The following CCDC85A variants were observed in gnomAD, a reference collection of about 807,000 sequenced individuals.
The protein encoded by CCDC85A is coiled-coil domain-containing protein 85A.
Under a neutral mutation model 50.2 loss-of-function variants are expected in CCDC85A, and 38 were observed. The observed-to-expected ratio is 0.76, with a 90% confidence interval of 0.58 to 0.99. The LOEUF is 0.99. Ranked by LOEUF, CCDC85A falls within the 50% of genes least tolerant of loss-of-function variation. CCDC85A has a pLI of 0.00. For synonymous variants in CCDC85A, 366 were observed against 301.4 expected (o/e 1.21, Z -2.22); for missense variants, 820 against 742.0 (o/e 1.11, Z -1.22).
At position 56,184,649 on chromosome 2, in the gene CCDC85A, G is replaced by T; in HGVS notation, c.25G>T (p.Ala9Ser). The change falls in exon 1 of 6, where the codon GCG becomes TCG. Residue 9 changes from alanine to serine, a missense_variant. Ala to Ser is a moderately conservative substitution (Grantham distance 99). Transcript: ENST00000407595. The part of the protein sequence containing the change: MSKAAGGA[A>S]AAAAAAESCS... Reference sequence around the variant, plus strand: ...CATGTCGAAGGCGGCCGGAGGCGCGGCGGCGGCTGCGGCGGCGGCGGAAAG... The same window carrying T: ...CATGTCGAAGGCGGCCGGAGGCGCGTCGGCGGCTGCGGCGGCGGCGGAAAG... 1 of 1,441,662 alleles carries T rather than the reference G, an allele frequency of 6.9e-7. No individual in the cohort carries two copies. Among genetic ancestry groups the T allele is most frequent in the Non-Finnish European group, 9.0e-7 (1 of 1,110,684 alleles). The allele number at this position is 1,441,662 out of a possible 1,614,324, so 89.3% of individuals were successfully genotyped here.
intron 2 of CCDC85A, among the ~76,000 whole-genome samples, chr2:56,286,674 A>G (rs1183953184): frequency 1.3e-5 from 2 of 151,654 alleles, no homozygotes; most frequent in East Asian, 3.9e-4. Context: ...AATCCCATCT[A>G]CTCATTTTTA....
intron 2 of CCDC85A, among the ~76,000 whole-genome samples, chr2:56,322,953 A>C (rs1021093886): frequency 1.3e-5 from 2 of 152,216 alleles, no homozygotes; most frequent in Non-Finnish European, 2.9e-5. Context: ...ACCATGGAAT[A>C]CTATGCAGCC....
chr2:56,315,791 C>A lies in CCDC85A; in HGVS notation c.1241-27088C>A, dbSNP rs144976080. 7.0e-3 allele frequency among the ~76,000 whole-genome samples: 1,067 copies of A among 152,222 alleles called. 42 individuals carry two copies. The highest frequency in any genetic ancestry group is 0.059 in the Admixed American group (905 of 15,262). On this transcript the variant is annotated intron_variant, in intron 2 of 5. Transcript: ENST00000407595. ...GATGGATGAATGCACACAAGCAACT[C>A]AAACCTTCTCAAATAAAATATATTT... is the stretch of plus-strand genomic sequence containing the variant.
At chr2:56,239,491 A>C (rs1481997777) in intron 2 of CCDC85A, among the ~76,000 whole-genome samples, 2 of 152,134 alleles carry the variant, frequency 1.3e-5, no homozygotes, top group Admixed American at 6.6e-5. Context: ...AGCCAAGTGC[A>C]TTTCAGTTTG....
chr2:56,281,530 A>G lies in CCDC85A; in HGVS notation c.1241-61349A>G, dbSNP rs558243521. Among the ~76,000 whole-genome samples, 27 of 152,238 alleles carry G rather than the reference A, an allele frequency of 1.8e-4. 1 individual carries two copies. The East Asian group carries it at 4.2e-3, about 24-fold the overall frequency. ...TCTGAAAGTGGTTATATCATCTTACACTCCCATCATAAGTGTTTGAAAATT... is the reference window on the plus strand; with the variant it reads ...TCTGAAAGTGGTTATATCATCTTACGCTCCCATCATAAGTGTTTGAAAATT... On this transcript the variant is annotated intron_variant, in intron 2 of 5. Coordinates refer to ENST00000407595, the MANE Select transcript of CCDC85A (RefSeq NM_001080433.2).
intron 2 of CCDC85A, among the ~76,000 whole-genome samples, chr2:56,252,781 G>A (rs998530361): frequency 6.6e-6 from 1 of 152,142 alleles, no homozygotes. Context: ...ACCTATGAGT[G>A]AGAACATGTG....
chr2:56,289,281 G>A (rs1380535892), intron 2 of CCDC85A, among the ~76,000 whole-genome samples: 1 of 151,948 alleles, frequency 6.6e-6, no homozygotes, highest in Non-Finnish European at 1.5e-5. Flanking sequence ...TTACTATTCA[G>A]TATGACAGAC....
intron 2 of CCDC85A, among the ~76,000 whole-genome samples, chr2:56,266,575 C>G (rs1036432439): frequency 2.6e-5 from 2 of 77,000 alleles, no homozygotes; most frequent in Admixed American, 1.6e-4. Flanking sequence ...TTAACAATAA[C>G]GCGCCCCCCC....
At chr2:56,353,588 C>T (rs907297856) in intron 3 of CCDC85A, among the ~76,000 whole-genome samples, 4 of 152,112 alleles carry the variant, frequency 2.6e-5, no homozygotes, top group African/African-American at 9.7e-5. Flanking sequence ...TAGAGAGAAG[C>T]AGTGAAGATT....
intron 3 of CCDC85A, among the ~76,000 whole-genome samples, chr2:56,361,108 G>T (rs186082020): frequency 2.6e-4 from 39 of 152,246 alleles, no homozygotes. Context: ...AAAAACCTTA[G>T]CCGGGCGTGG....
intron 2 of CCDC85A, among the ~76,000 whole-genome samples, chr2:56,280,893 T>A (rs1671176218): frequency 6.6e-6 from 1 of 152,230 alleles, no homozygotes; most frequent in Non-Finnish European, 1.5e-5. Context: ...ACATTAGAAA[T>A]TAATATTTAT....
chr2:56,312,166 G>A (rs956666671), intron 2 of CCDC85A, among the ~76,000 whole-genome samples: 1 of 152,064 alleles, frequency 6.6e-6, no homozygotes, highest in Non-Finnish European at 1.5e-5. Context: ...TTGAGGTGTA[G>A]GAACGTGACT....
rs764186932 is a variant in CCDC85A at position 56,375,777 on chromosome 2, C to T, written c.1453-39C>T. 12 of 1,604,828 alleles carry T rather than the reference C, an allele frequency of 7.5e-6. No individual in the cohort carries two copies. In the Admixed American group the frequency reaches 8.6e-5, roughly 11 times the overall value. On this transcript the variant is annotated intron_variant, in intron 4 of 5. Coordinates refer to ENST00000407595, the MANE Select transcript of CCDC85A (RefSeq NM_001080433.2). ...ATGACATCTTTGTAGTTATAAACGA[C>T]TTTTGTTTTAATAACAAAGTTGTTG...
chr2:56,291,222 GA>G (rs1671690076), intron 2 of CCDC85A, among the ~76,000 whole-genome samples: 1 of 152,152 alleles, frequency 6.6e-6, no homozygotes, highest in African/African-American at 2.4e-5. Flanking sequence ...GAGGCTCAGT[GA>G]CAAAAAGATG....
At position 56,184,449 on chromosome 2, in the gene CCDC85A, G is replaced by T; in HGVS notation, c.-176G>T. On this transcript the variant is annotated 5_prime_UTR_variant, in exon 1 of 6. Transcript: ENST00000407595. ...GCGCGGGCGCGCGCGCGGGGATGGC[G>T]AGGTAGGATGGCCACCCAGCGCGAC... 1.5e-6 allele frequency: 1 copy of T among 668,508 alleles called. No individual in the cohort carries two copies. Among genetic ancestry groups the T allele is most frequent in the Non-Finnish European group, 2.1e-6 (1 of 483,916 alleles). 41.4% of individuals were successfully genotyped at this position (668,508 alleles called of 1,614,324 possible).
intron 2 of CCDC85A, among the ~76,000 whole-genome samples, chr2:56,315,551 G>T (rs908177739): frequency 3.9e-5 from 6 of 152,072 alleles, no homozygotes; most frequent in African/African-American, 1.4e-4. Context: ...AACTGAGTAG[G>T]TAAGACCACC....
In CCDC85A at chr2:56,342,881, T is replaced by G; in HGVS notation, c.1243T>G (p.Ser415Ala). 6.3e-7 allele frequency: 1 copy of G among 1,582,048 alleles called. No homozygotes were observed. The highest frequency in any genetic ancestry group is 8.6e-7 in the Non-Finnish European group (1 of 1,162,330). The part of the protein sequence containing the change: ...HRNVYSGMNE[S>A]TLSYVRQLEA... ...GAGTTCTTTCTTTTTAATTTTAGAA[T>G]CAACCTTGTCCTATGTTAGGCAGCT... Residue 415 changes from serine to alanine, a missense_variant and splice_region_variant, in exon 3 of 6, where the codon TCA becomes GCA. Ser to Ala is a moderately conservative substitution (Grantham distance 99). Coordinates refer to ENST00000407595, the MANE Select transcript of CCDC85A (RefSeq NM_001080433.2).
intron 2 of CCDC85A, among the ~76,000 whole-genome samples, chr2:56,222,214 C>T (rs1195242715): frequency 6.6e-6 from 1 of 151,980 alleles, no homozygotes; most frequent in Non-Finnish European, 1.5e-5. Context: ...ATGCATTTTG[C>T]ATTGGTTTAT....
intron 2 of CCDC85A, among the ~76,000 whole-genome samples, chr2:56,210,707 A>G (rs934934209): frequency 1.3e-5 from 2 of 151,728 alleles, no homozygotes; most frequent in African/African-American, 2.4e-5. Flanking sequence ...TGTTCTTTTC[A>G]TGTGTCTTCT....
Sources: allele counts gnomAD v4.1 joint callset (sites outside exome capture counted in the v4.1 genomes callset), GRCh38; gene constraint gnomAD v4.1.1; transcripts MANE v1.5; gene names NCBI Gene and HGNC (gene_info 2026-07-23, HGNC 2026-07-21).